The following DLG2 variants were observed in gnomAD, a reference collection of about 807,000 sequenced individuals.
The protein encoded by DLG2 is discs large MAGUK scaffold protein 2.
Under a neutral mutation model 132.5 loss-of-function variants are expected in DLG2, and 45 were observed. The observed-to-expected ratio is 0.34, with a 90% CI of 0.27 to 0.44. DLG2 has a LOEUF of 0.44. Among genes scored for constraint, DLG2 ranks in the 20% least tolerant of loss-of-function variants. The pLI is 1.00. For synonymous variants in DLG2, 424 were observed against 419.6 expected (o/e 1.01, Z -0.13); for missense variants, 1,045 against 1,196.9 (o/e 0.87, Z 1.87).
chr11:83,833,077 T>C (rs1374921986), intron 17 of DLG2, among the ~76,000 whole-genome samples: 5 of 152,282 alleles, frequency 3.3e-5, no homozygotes, highest in African/African-American at 9.6e-5. Context: ...AAGAAAACAT[T>C]AGCACCTTCG....
intron 3 of DLG2, among the ~76,000 whole-genome samples, chr11:85,352,485 T>A (rs186515060): frequency 1.5e-4 from 23 of 152,334 alleles, no homozygotes; most frequent in African/African-American, 4.8e-4. Flanking sequence ...TCTCAGTTCT[T>A]TTAACTGTGA....
chr11:83,617,344 T>C (rs187564118), intron 19 of DLG2, among the ~76,000 whole-genome samples: 67 of 152,352 alleles, frequency 4.4e-4, no homozygotes, highest in African/African-American at 1.5e-3. Context: ...CTTTTTTGTA[T>C]AGTGGTGCTC....
At chr11:84,262,602 T>C (rs2097561273) in intron 7 of DLG2, among the ~76,000 whole-genome samples, 2 of 152,112 alleles carry the variant, frequency 1.3e-5, no homozygotes. Context: ...TAGTGGTGAT[T>C]TGTGAGATTT....
intron 18 of DLG2, chr11:83,652,045 A>C: frequency 6.8e-6 from 2 of 294,774 alleles, no homozygotes; most frequent in South Asian, 3.1e-5. Flanking sequence ...GAAAAGAGAA[A>C]AAATTATGCT....
rs1034831634 is a variant in DLG2, at chr11:85,057,588, A to T, written c.357+54073T>A. 2.0e-5 allele frequency among the ~76,000 whole-genome samples: 3 copies of T among 151,766 alleles called. No individual in the cohort carries two copies. The South Asian group carries it at 6.2e-4, about 31-fold the overall frequency. On this transcript the variant is annotated intron_variant, in intron 6 of 27. Coordinates refer to ENST00000376104, the MANE Select transcript of DLG2 (RefSeq NM_001142699.3). ...GTGAATTATTCCAAATATTAAAATA[A>T]TAATGTTAATCTAAAACAAACTCTT...
At chr11:84,771,297 T>C (rs973573288) in intron 6 of DLG2, among the ~76,000 whole-genome samples, 9 of 152,222 alleles carry the variant, frequency 5.9e-5, no homozygotes, top group Admixed American at 2.6e-4. Flanking sequence ...TGTTGACTTT[T>C]TAATAATAGC....
chr11:84,177,384 T>C (rs190664534), intron 8 of DLG2, among the ~76,000 whole-genome samples: 35 of 152,288 alleles, frequency 2.3e-4, no homozygotes, highest in African/African-American at 8.4e-4. Context: ...GCTGTTTCTC[T>C]GTGTTTACAG....
At chr11:83,683,139 T>G (rs1262094363) in intron 18 of DLG2, among the ~76,000 whole-genome samples, 1 of 152,204 alleles carries the variant, frequency 6.6e-6, no homozygotes, top group Non-Finnish European at 1.5e-5. Flanking sequence ...CAAGGTCAGT[T>G]TAACCTTTTT....
At chr11:84,582,659 A>G (rs991212128) in intron 6 of DLG2, among the ~76,000 whole-genome samples, 2 of 152,026 alleles carry the variant, frequency 1.3e-5, no homozygotes, top group Admixed American at 6.6e-5. Flanking sequence ...ATTTGTATAT[A>G]TTAACATCTA....
intron 4 of DLG2, among the ~76,000 whole-genome samples, chr11:85,262,685 A>G (rs1161678690): frequency 6.6e-6 from 1 of 152,202 alleles, no homozygotes; most frequent in Non-Finnish European, 1.5e-5. Flanking sequence ...ACACTTACAC[A>G]TAGACATATA....
chr11:84,728,226 T>A (rs2062725342), intron 6 of DLG2, among the ~76,000 whole-genome samples: 2 of 152,190 alleles, frequency 1.3e-5, no homozygotes, highest in African/African-American at 4.8e-5. Context: ...GGCTGTGGGT[T>A]TGTCATAAAT....
intron 15 of DLG2, among the ~76,000 whole-genome samples, chr11:83,929,265 A>G (rs1228917471): frequency 6.6e-6 from 1 of 152,192 alleles, no homozygotes; most frequent in African/African-American, 2.4e-5. Context: ...CCCTCTTGAT[A>G]TATCCATCTT....
chr11:84,788,399 C>A (rs2073286942), intron 6 of DLG2, among the ~76,000 whole-genome samples: 1 of 152,096 alleles, frequency 6.6e-6, no homozygotes, highest in Non-Finnish European at 1.5e-5. Context: ...GTATGCGCTA[C>A]TTTCAGAAAT....
rs59782952 is a variant in DLG2, at chr11:83,724,476, TGAGAGAGAGAGAGA to T, written c.1825+62200_1825+62213del. ...CTCTCTCCGTGTGTGTGTGTGTGTG[TGAGAGAGAGAGAGA>T]GAGAGAGAGAGAGAGAGAGAGAGAG... On this transcript the variant is annotated intron_variant, in intron 18 of 27. Transcript: ENST00000376104. Among the ~76,000 whole-genome samples the T allele has an allele frequency of 1.1e-3, 126 of 118,232 alleles. 1 individual carries two copies. Among genetic ancestry groups the T allele is most frequent in the East Asian group, 2.2e-3 (8 of 3,708 alleles). 77.6% of individuals were successfully genotyped at this position (118,232 alleles called of 152,430 possible).
chr11:85,590,418 TAAG>T (rs1270213371), intron 3 of DLG2, among the ~76,000 whole-genome samples: 2 of 152,260 alleles, frequency 1.3e-5, no homozygotes, highest in East Asian at 1.9e-4. Flanking sequence ...TAGAAAATAT[TAAG>T]AAGTTTTTGA....
Position 83,878,323 on chromosome 11 carries a change from A to C in DLG2, c.1497-3835T>G, listed in dbSNP as rs80338031. Reference sequence around the variant, plus strand: ...TGATGAATACCATGGATTGAATTCCATCTATCTGTAAGGCCCCCATGACTT... The same window carrying C: ...TGATGAATACCATGGATTGAATTCCCTCTATCTGTAAGGCCCCCATGACTT... On this transcript the variant is annotated intron_variant, in intron 15 of 27. Transcript: ENST00000376104. Among the ~76,000 whole-genome samples, 1,086 of 152,266 alleles carry C rather than the reference A, an allele frequency of 7.1e-3. 9 individuals carry two copies. The highest frequency in any genetic ancestry group is 0.013 in the Non-Finnish European group (866 of 68,008).
At chr11:85,304,103 G>A (rs1262189172) in intron 3 of DLG2, among the ~76,000 whole-genome samples, 2 of 152,140 alleles carry the variant, frequency 1.3e-5, no homozygotes, top group Admixed American at 6.5e-5. Flanking sequence ...AAGAAAGGAA[G>A]AGGAAGCCTT....
chr11:84,584,507 T>C (rs1313617235), intron 6 of DLG2, among the ~76,000 whole-genome samples: 1 of 151,030 alleles, frequency 6.6e-6, no homozygotes, highest in Admixed American at 6.6e-5. Flanking sequence ...TCACCATGCC[T>C]GGCTATTTTT....
At chr11:84,475,832 A>G (rs1044191883) in intron 7 of DLG2, among the ~76,000 whole-genome samples, 2 of 152,078 alleles carry the variant, frequency 1.3e-5, no homozygotes, top group Non-Finnish European at 2.9e-5. Flanking sequence ...CAGAAATGCA[A>G]TTCACACTCT....
Sources: gnomAD v4.1 joint callset for allele counts (sites outside exome capture counted in the v4.1 genomes callset) on GRCh38, gnomAD v4.1.1 for gene constraint, MANE v1.5 for transcripts, NCBI Gene and HGNC (gene_info 2026-07-23, HGNC 2026-07-21) for gene names.